AUTS2: variants seen among roughly 807,000 people sequenced by gnomAD.
AUTS2 encodes autism susceptibility gene 2 protein.
AUTS2 carries 17 observed loss-of-function variants against 112.4 expected under a neutral mutation model. The ratio of observed to expected loss-of-function variants is 0.15; its 90% CI spans 0.10 to 0.23. The LOEUF is 0.23. Ranked by LOEUF, AUTS2 falls within the 10% of genes least tolerant of loss-of-function variation. AUTS2 has a pLI of 1.00. For missense variants in AUTS2, 1,510 were observed against 1,701.6 expected, an observed-to-expected ratio of 0.89 and a Z score of 1.98; for synonymous variants, 751 against 702.7, an observed-to-expected ratio of 1.07 and a Z score of -1.09.
rs542695655 is a variant in AUTS2 at position 70,022,943 on chromosome 7, C to T, written c.523-95189C>T. Among the ~76,000 whole-genome samples, 3 of 152,146 alleles carry T rather than the reference C, an allele frequency of 2.0e-5. No individual in the cohort carries two copies. In the South Asian group the frequency reaches 6.2e-4, roughly 32 times the overall value. ...CACAGCTCACTGTAACCTCAAACTT[C>T]TGGGGTCAGGCAGTCTTCTTGCTTT... is the stretch of plus-strand genomic sequence containing the variant. On this transcript the variant is annotated intron_variant, in intron 2 of 18. Transcript: ENST00000342771.
intron 6 of AUTS2, among the ~76,000 whole-genome samples, chr7:70,731,257 A>G (rs1426354443): frequency 6.6e-6 from 1 of 151,190 alleles, no homozygotes; most frequent in Non-Finnish European, 1.5e-5. Flanking sequence ...CTAAAGACTG[A>G]TCACTCATTT....
intron 1 of AUTS2, among the ~76,000 whole-genome samples, chr7:69,605,133 A>G (rs543198964): frequency 5.9e-5 from 9 of 152,338 alleles, no homozygotes; most frequent in African/African-American, 1.9e-4. Flanking sequence ...ATTGTAATCT[A>G]TAATCCAGTA....
intron 2 of AUTS2, among the ~76,000 whole-genome samples, chr7:70,096,617 GA>G (rs1202166833): frequency 1.5e-5 from 2 of 132,792 alleles, no homozygotes; most frequent in East Asian, 2.2e-4. Flanking sequence ...AAAAAAAAAA[GA>G]AAAAAAAAGA....
intron 5 of AUTS2, among the ~76,000 whole-genome samples, chr7:70,461,999 C>A (rs1796984728): frequency 6.6e-6 from 1 of 152,156 alleles, no homozygotes; most frequent in South Asian, 2.1e-4. Context: ...TGCCTGTAAT[C>A]CCAGCATATT....
At chr7:70,288,307 C>T (rs1194298476) in intron 4 of AUTS2, among the ~76,000 whole-genome samples, 2 of 152,078 alleles carry the variant, frequency 1.3e-5, no homozygotes, top group Non-Finnish European at 2.9e-5. Context: ...GAGGCTGAGG[C>T]AGGAAAATGG....
At chr7:69,910,048 A>G (rs1490064227) in intron 2 of AUTS2, among the ~76,000 whole-genome samples, 1 of 152,174 alleles carries the variant, frequency 6.6e-6, no homozygotes, top group Non-Finnish European at 1.5e-5. Context: ...TACTTTGTGA[A>G]ACTTCAGCAG....
chr7:69,790,535 C>T (rs540023250), intron 1 of AUTS2, among the ~76,000 whole-genome samples: 5 of 152,144 alleles, frequency 3.3e-5, no homozygotes, highest in African/African-American at 1.2e-4. Flanking sequence ...GATTAAAAAC[C>T]ACTTCCTGGC....
intron 1 of AUTS2, among the ~76,000 whole-genome samples, chr7:69,609,218 G>C (rs1417399160): frequency 6.6e-6 from 1 of 152,136 alleles, no homozygotes; most frequent in Non-Finnish European, 1.5e-5. Context: ...GGAGTCCCAA[G>C]GATTGGGAAC....
intron 4 of AUTS2, among the ~76,000 whole-genome samples, chr7:70,319,731 T>G (rs1215176601): frequency 1.3e-5 from 2 of 152,186 alleles, no homozygotes; most frequent in African/African-American, 4.8e-5. Flanking sequence ...GTCCTTTGAA[T>G]GAATAGGTTT....
chr7:69,772,067 G>A (rs1788689030), intron 1 of AUTS2, among the ~76,000 whole-genome samples: 1 of 152,098 alleles, frequency 6.6e-6, no homozygotes, highest in Admixed American at 6.6e-5. Flanking sequence ...GTATAGGCAT[G>A]AGCCACCCCA....
At chr7:70,486,582 AAAAAC>A (rs1251479656) in intron 5 of AUTS2, among the ~76,000 whole-genome samples, 1 of 152,092 alleles carries the variant, frequency 6.6e-6, no homozygotes, top group East Asian at 1.9e-4. Context: ...CTAAAAAACA[AAAAAC>A]AAAAACAAAA....
intron 1 of AUTS2, among the ~76,000 whole-genome samples, chr7:69,661,842 T>C (rs1242457749): frequency 6.6e-6 from 1 of 152,220 alleles, no homozygotes; most frequent in Non-Finnish European, 1.5e-5. Flanking sequence ...CTGTCTTTGC[T>C]ATTTATTTAT....
intron 1 of AUTS2, among the ~76,000 whole-genome samples, chr7:69,843,973 T>A (rs1792089470): frequency 6.6e-6 from 1 of 152,218 alleles, no homozygotes; most frequent in Non-Finnish European, 1.5e-5. Context: ...ATAAATAGTA[T>A]CTTTGTATCA....
intron 4 of AUTS2, among the ~76,000 whole-genome samples, chr7:70,258,269 A>G (rs1248445320): frequency 1.3e-5 from 2 of 152,228 alleles, no homozygotes; most frequent in African/African-American, 4.8e-5. Flanking sequence ...GTAGAGGTCA[A>G]GAAAGGGCAT....
intron 4 of AUTS2, among the ~76,000 whole-genome samples, chr7:70,345,337 C>T (rs201540440): frequency 4.7e-4 from 72 of 152,316 alleles, no homozygotes; most frequent in Non-Finnish European, 8.7e-4. Flanking sequence ...CTTTGTTCAA[C>T]GCTGGTGAAA....
At chr7:70,018,924 G>A (rs945990859) in intron 2 of AUTS2, among the ~76,000 whole-genome samples, 4 of 152,110 alleles carry the variant, frequency 2.6e-5, no homozygotes, top group African/African-American at 4.8e-5. Flanking sequence ...TATACCCAAA[G>A]GAATATAAAT....
intron 4 of AUTS2, among the ~76,000 whole-genome samples, chr7:70,420,567 G>A (rs1280911667): frequency 1.3e-5 from 2 of 152,316 alleles, no homozygotes; most frequent in African/African-American, 2.4e-5. Context: ...TCTGTTCCTG[G>A]GGGATGACAA....
intron 6 of AUTS2, among the ~76,000 whole-genome samples, chr7:70,707,078 C>T (rs1470573556): frequency 1.3e-5 from 2 of 152,260 alleles, no homozygotes; most frequent in African/African-American, 2.4e-5. Flanking sequence ...GAGGATGAAA[C>T]GAGGCAATGG....
chr7:69,753,192 C>A (rs1787810966), intron 1 of AUTS2, among the ~76,000 whole-genome samples: 1 of 152,124 alleles, frequency 6.6e-6, no homozygotes, highest in African/African-American at 2.4e-5. Context: ...GTGCCTGGCA[C>A]ACAAGAGGTG....
Sources: allele counts gnomAD v4.1 joint callset (sites outside exome capture counted in the v4.1 genomes callset), GRCh38; gene constraint gnomAD v4.1.1; transcripts MANE v1.5; gene names NCBI Gene and HGNC (gene_info 2026-07-23, HGNC 2026-07-21).